PHF20: variants seen among roughly 807,000 people sequenced by gnomAD.
PHF20 encodes the protein PHD finger protein 20.
PHF20 carries 23 observed loss-of-function variants against 113.5 expected under a neutral mutation model. The observed-to-expected ratio is 0.20, with a 90% CI of 0.15 to 0.29. PHF20 has a LOEUF of 0.29. PHF20 is among the 10% of genes least tolerant of loss of function. The probability of loss-of-function intolerance (pLI) is 1.00; values close to 1 mark genes in which losing one functional copy is unlikely to be tolerated. For missense variants in PHF20, 943 were observed against 1,219.6 expected, an observed-to-expected ratio of 0.77 and a Z score of 3.38; for synonymous variants, 434 against 457.3, an observed-to-expected ratio of 0.95 and a Z score of 0.65.
intron 6 of PHF20, among the ~76,000 whole-genome samples, chr20:35,867,857 C>T (rs1246243401): frequency 1.3e-5 from 2 of 149,714 alleles, no homozygotes; most frequent in Non-Finnish European, 3.0e-5. Context: ...TTCCTCCTTC[C>T]TCTTCTCTCT....
At chr20:35,867,307 T>C (rs1303830110) in intron 6 of PHF20, among the ~76,000 whole-genome samples, 2 of 152,208 alleles carry the variant, frequency 1.3e-5, no homozygotes, top group Non-Finnish European at 2.9e-5. Context: ...TCTCCCAGGC[T>C]GGAGTGCAGT....
At chr20:35,846,232 T>A (rs952496548) in intron 3 of PHF20, among the ~76,000 whole-genome samples, 1 of 151,238 alleles carries the variant, frequency 6.6e-6, no homozygotes, top group African/African-American at 2.4e-5. Flanking sequence ...CAGCCTGGAG[T>A]GCAATGGCGC....
At chr20:35,812,829 A>G (rs1023468252) in intron 2 of PHF20, among the ~76,000 whole-genome samples, 1 of 152,206 alleles carries the variant, frequency 6.6e-6, no homozygotes, top group Non-Finnish European at 1.5e-5. Context: ...ATCCCCCCAC[A>G]TCATTTACCT....
intron 4 of PHF20, chr20:35,855,132 C>G (rs1315651019): frequency 3.7e-6 from 1 of 267,844 alleles, no homozygotes; most frequent in Non-Finnish European, 6.6e-6. Flanking sequence ...AGTCTTAAAA[C>G]TCCCATCCCC....
At position 35,865,221 on chromosome 20, in the gene PHF20, G is replaced by A. The variant is rs149849618; in HGVS notation, c.808+1821G>A. Among the ~76,000 whole-genome samples the A allele has an allele frequency of 5.3e-3, 806 of 152,020 alleles. 9 individuals carry two copies. The highest frequency in any genetic ancestry group is 0.019 in the African/African-American group (773 of 41,458). On this transcript the variant is annotated intron_variant, in intron 6 of 17. Transcript: ENST00000374012. ...CATGTTGAAATGTTTTTAGAGGCTG[G>A]GTGCAGTGCCTCATCCCTGTAATCA...
chr20:35,911,757 C>A (rs540865755), intron 10 of PHF20, among the ~76,000 whole-genome samples: 5 of 152,062 alleles, frequency 3.3e-5, no homozygotes, highest in East Asian at 1.9e-4. Flanking sequence ...CTCCCCGATT[C>A]GAGCAATTCT....
At chr20:35,839,954 T>G (rs551359725) in intron 2 of PHF20, among the ~76,000 whole-genome samples, 12 of 152,334 alleles carry the variant, frequency 7.9e-5, no homozygotes, top group African/African-American at 2.9e-4. Flanking sequence ...GAGTACCTAG[T>G]ATGTGCAAAG....
Position 35,927,850 on chromosome 20 carries a change from A to T in PHF20, c.2075A>T (p.Tyr692Phe). Reference protein sequence around the residue: ...GLLEENVPEKYTCYVCQDPPG... With the variant: ...GLLEENVPEKFTCYVCQDPPG... ...CTGGAAGAAAATGTGCCCGAGAAAT[A>T]CACCTGTTATGTTTGCCAAGACCCT... The change falls in exon 14 of 18, where the codon TAC becomes TTC. Residue 692 changes from tyrosine (Y) to phenylalanine (F), a missense_variant. Coordinates refer to ENST00000374012, the MANE Select transcript of PHF20 (RefSeq NM_016436.5). The T allele has an allele frequency of 1.9e-6, 3 of 1,613,804 alleles. No homozygotes were observed. The highest frequency in any genetic ancestry group is 2.5e-6 in the Non-Finnish European group (3 of 1,179,630).
At chr20:35,813,660 C>A (rs2042015489) in intron 2 of PHF20, among the ~76,000 whole-genome samples, 1 of 152,120 alleles carries the variant, frequency 6.6e-6, no homozygotes, top group Admixed American at 6.6e-5. Context: ...GAGTTCCAGA[C>A]AAGCCTGGTC....
chr20:35,926,302 A>C (rs972891660), intron 13 of PHF20, among the ~76,000 whole-genome samples: 1 of 123,678 alleles, frequency 8.1e-6, no homozygotes, highest in Non-Finnish European at 1.6e-5. Context: ...CAGTGGCGCA[A>C]TCTCGGCTCA....
intron 2 of PHF20, among the ~76,000 whole-genome samples, chr20:35,819,572 G>A (rs2042133533): frequency 2.0e-5 from 3 of 151,648 alleles, no homozygotes; most frequent in South Asian, 4.2e-4. Flanking sequence ...ATCATTTTTG[G>A]TTTCTTTTTC....
rs1435990055 is a variant in PHF20 at position 35,944,814 on chromosome 20, C to T, written c.2897-2671C>T. Among the ~76,000 whole-genome samples the T allele has an allele frequency of 2.6e-5, 4 of 152,134 alleles. No individual in the cohort carries two copies. In the East Asian group the frequency reaches 7.7e-4, roughly 29 times the overall value. ...ATTTCTGACCTCAGGTGATCCACCT[C>T]CCTTGACCTCCCAAGGTGTTGGGAT... On this transcript the variant is annotated intron_variant, in intron 17 of 17. Transcript: ENST00000374012.
rs762558159 is a variant in PHF20 at position 35,863,147 on chromosome 20, A to G, written c.555A>G (p.Leu185=). 1.9e-5 allele frequency: 30 copies of G among 1,613,874 alleles called. No individual in the cohort carries two copies. The highest frequency in any genetic ancestry group is 1.0e-4 in the Admixed American group (6 of 59,926). The part of the protein sequence containing the change: ...NVKKDKEDKP[L]KTEKRPKQPD... ...AGAAAGACAAAGAAGATAAACCCTT[A>G]AAGACAGAAAAGCGACCCAAGCAGC... The change falls in exon 6 of 18, where the codon TTA becomes TTG. Residue 185 remains leucine (L), a synonymous_variant. Transcript: ENST00000374012.
At chr20:35,841,946 G>A (rs565511364) in intron 2 of PHF20, among the ~76,000 whole-genome samples, 1 of 152,122 alleles carries the variant, frequency 6.6e-6, no homozygotes, top group Non-Finnish European at 1.5e-5. Flanking sequence ...TGCCTCTTGT[G>A]TGCTCAAGTC....
chr20:35,850,591 T>G (rs1003649466), intron 4 of PHF20: 20 of 85,336 alleles, frequency 2.3e-4, no homozygotes, highest in East Asian at 2.2e-3. Flanking sequence ...AGCTGTTTTT[T>G]TTTTTTTTTT....
intron 4 of PHF20, among the ~76,000 whole-genome samples, chr20:35,848,972 T>C (rs964214742): frequency 5.9e-5 from 9 of 152,152 alleles, no homozygotes; most frequent in Admixed American, 5.2e-4. Context: ...AACGCTAATA[T>C]CTTGTTTCTG....
At chr20:35,842,920 G>GT (rs1186452170) in intron 3 of PHF20, among the ~76,000 whole-genome samples, 176 bp downstream of exon 3, 1 of 152,098 alleles carries the variant, frequency 6.6e-6, no homozygotes, top group Non-Finnish European at 1.5e-5. Context: ...TTGTTTGTTT[G>GT]TTTTTTGAGA....
intron 11 of PHF20, 36 bp from the exon 12 acceptor site, chr20:35,913,997 A>G (rs2055354852): frequency 2.5e-6 from 4 of 1,603,770 alleles, no homozygotes; most frequent in Non-Finnish European, 3.4e-6. Flanking sequence ...AGTGTTAACT[A>G]GGGTTATTCA....
intron 13 of PHF20, among the ~76,000 whole-genome samples, chr20:35,918,225 T>C (rs6060681): frequency 0.26 from 39,473 of 151,950 alleles, 6,168 homozygotes; most frequent in African/African-American, 0.44. Context: ...GTCTGTAAAT[T>C]GCAGTTCTGG....
Sources: allele counts gnomAD v4.1 joint callset (sites outside exome capture counted in the v4.1 genomes callset), GRCh38; gene constraint gnomAD v4.1.1; transcripts MANE v1.5; gene names NCBI Gene and HGNC (gene_info 2026-07-23, HGNC 2026-07-21).